Variants in MACF1 observed in about 807,000 individuals in gnomAD.
The protein encoded by MACF1 is microtubule-actin cross-linking factor 1.
A neutral mutation model predicts 854.8 loss-of-function variants in MACF1; 193 were observed. The ratio of observed to expected loss-of-function variants is 0.23; its 90% CI spans 0.20 to 0.25. The LOEUF is 0.25. Among genes scored for constraint, MACF1 ranks in the 10% least tolerant of loss-of-function variants. The probability of loss-of-function intolerance (pLI) is 1.00; values close to 1 mark genes in which losing one functional copy is unlikely to be tolerated. For missense variants in MACF1, 7,722 were observed against 8,929.1 expected, an observed-to-expected ratio of 0.86 and a Z score of 5.45; for synonymous variants, 3,185 against 3,226.7, an observed-to-expected ratio of 0.99 and a Z score of 0.44.
intron 31 of MACF1, 49 bp downstream of exon 31, chr1:39,319,796 A>G: frequency 7.6e-7 from 1 of 1,318,424 alleles, no homozygotes. Flanking sequence ...CCAGCTCAGG[A>G]AAACCTACAT....
intron 2 of MACF1, among the ~76,000 whole-genome samples, chr1:39,123,271 G>A (rs1208790599): frequency 1.4e-5 from 2 of 146,114 alleles, no homozygotes; most frequent in Non-Finnish European, 3.0e-5. Context: ...GCAGTGGTGC[G>A]ATCTTGGCTC....
intron 26 of MACF1, among the ~76,000 whole-genome samples, chr1:39,315,276 T>G (rs1227181567): frequency 6.6e-6 from 1 of 152,242 alleles, no homozygotes; most frequent in African/African-American, 2.4e-5. Context: ...CTCTGTTGAC[T>G]TTGCTTTTTC....
At chr1:39,102,632 G>A in intron 2 of MACF1, 1 of 623,828 alleles carries the variant, frequency 1.6e-6, no homozygotes, top group Non-Finnish European at 2.9e-6. Flanking sequence ...GGTATTTGAT[G>A]AGGCTTTAAT....
chr1:39,392,887 T>G (rs964131355), intron 58 of MACF1, among the ~76,000 whole-genome samples: 1 of 152,062 alleles, frequency 6.6e-6, no homozygotes. Flanking sequence ...CAGGCAGAGA[T>G]CTCAGGCTTC....
chr1:39,225,068 T>G (rs1644698411), intron 1 of MACF1, among the ~76,000 whole-genome samples: 1 of 152,050 alleles, frequency 6.6e-6, no homozygotes, highest in African/African-American at 2.4e-5. Context: ...CCTGCAGTCC[T>G]AGATACTTGG....
intron 2 of MACF1, among the ~76,000 whole-genome samples, chr1:39,231,461 A>G (rs1227695108): frequency 1.3e-5 from 2 of 151,800 alleles, no homozygotes; most frequent in Middle Eastern, 3.2e-3. Flanking sequence ...AAGCAATCCT[A>G]CTGCCTCAGC....
At chr1:39,189,585 C>T (rs1644219572) in intron 2 of MACF1, among the ~76,000 whole-genome samples, 1 of 152,190 alleles carries the variant, frequency 6.6e-6, no homozygotes, top group Non-Finnish European at 1.5e-5. Flanking sequence ...TCATTCTCTT[C>T]CTCATGCTAT....
Position 39,340,462 on chromosome 1 carries a change from T to C in MACF1, c.10216-40T>C, listed in dbSNP as rs573323350. 9.0e-6 allele frequency: 13 copies of C among 1,449,132 alleles called. No individual in the cohort carries two copies. In the East Asian group the frequency reaches 2.5e-4, roughly 28 times the overall value. The allele number at this position is 1,449,132 out of a possible 1,614,324, so 89.8% of individuals were successfully genotyped here. ...TCACAGCTGATTCCCAGAGGGTTTCTAGTCTTGCTTTTATAGGTAACTCCA... is the reference window on the plus strand; with the variant it reads ...TCACAGCTGATTCCCAGAGGGTTTCCAGTCTTGCTTTTATAGGTAACTCCA... On this transcript the variant is annotated intron_variant, in intron 38 of 100. Coordinates refer to ENST00000564288, the MANE Select transcript of MACF1 (RefSeq NM_001394062.1).
intron 95 of MACF1, among the ~76,000 whole-genome samples, chr1:39,467,091 G>A (rs1378564322): frequency 2.0e-5 from 3 of 152,192 alleles, no homozygotes; most frequent in Non-Finnish European, 4.4e-5. Context: ...TCCTGGCCGG[G>A]CGTGGTGGCT....
intron 99 of MACF1, among the ~76,000 whole-genome samples, chr1:39,481,515 C>T (rs147448740): frequency 2.0e-4 from 30 of 152,298 alleles, no homozygotes; most frequent in African/African-American, 6.3e-4. Context: ...TGGTCCGAGG[C>T]GTGGGTGCTG....
chr1:39,468,753 T>G (rs1644718326), intron 96 of MACF1, 21 bp downstream of exon 96: 2 of 1,592,186 alleles, frequency 1.3e-6, no homozygotes, highest in Admixed American at 1.7e-5. Flanking sequence ...ATTCTAAGCA[T>G]GAATTACGTG....
At chr1:39,472,386 A>G (rs904538291) in intron 97 of MACF1, among the ~76,000 whole-genome samples, 8 of 152,182 alleles carry the variant, frequency 5.3e-5, no homozygotes, top group Non-Finnish European at 8.8e-5. Context: ...CCAGAAATCA[A>G]TTTTCACAGC....
intron 40 of MACF1, among the ~76,000 whole-genome samples, chr1:39,342,367 C>T (rs1557599059): frequency 1.3e-5 from 2 of 151,982 alleles, no homozygotes; most frequent in African/African-American, 4.8e-5. Context: ...CATACACACA[C>T]ATGTGTCTTT....
chr1:39,442,621 G>T (rs1056596820), intron 77 of MACF1, 54 bp downstream of exon 77: 1 of 1,609,602 alleles, frequency 6.2e-7, no homozygotes, highest in African/African-American at 1.3e-5. Flanking sequence ...ACCAGATGCT[G>T]CCACCAGCAG....
In MACF1 at chr1:39,385,438, T is replaced by C; in HGVS notation, c.13853T>C (p.Met4618Thr). The C allele has an allele frequency of 1.9e-6, 3 of 1,613,560 alleles. No homozygotes were observed. The highest frequency in any genetic ancestry group is 2.5e-6 in the Non-Finnish European group (3 of 1,179,632). Residue 4618 changes from methionine to threonine, a missense_variant, in exon 57 of 101, where the codon ATG (methionine) becomes ACG (threonine). Around this residue, in one of 15 missense-constraint regions of MACF1, gnomAD observed 2,807 missense variants for 3,235.8 expected, o/e 0.87. Transcript: ENST00000564288. ...LNAQKQQVQF[M>T]LKEFEARRQQ... Reference sequence around the variant, plus strand: ...TTGGTGTCATTTCTATTTCAGTTTATGCTAAAGGAATTTGAAGCACGCAGG... The same window carrying C: ...TTGGTGTCATTTCTATTTCAGTTTACGCTAAAGGAATTTGAAGCACGCAGG...
chr1:39,437,487 T>C (rs112468122), intron 70 of MACF1, among the ~76,000 whole-genome samples: 1 of 152,072 alleles, frequency 6.6e-6, no homozygotes, highest in Non-Finnish European at 1.5e-5. Flanking sequence ...ATTTTTTGTA[T>C]TTTTAGTAGG....
chr1:39,434,115 G>A (rs1020159844), intron 68 of MACF1, among the ~76,000 whole-genome samples: 1 of 151,802 alleles, frequency 6.6e-6, no homozygotes. Context: ...CTATATCTAA[G>A]GTTGTGTATC....
chr1:39,241,277 A>G (rs961459167), intron 2 of MACF1, among the ~76,000 whole-genome samples: 1 of 152,130 alleles, frequency 6.6e-6, no homozygotes, highest in Non-Finnish European at 1.5e-5. Flanking sequence ...ATTGCTCTTC[A>G]ACATAGTTTG....
chr1:39,381,259 G>A (rs566418536), intron 55 of MACF1, among the ~76,000 whole-genome samples: 1 of 149,904 alleles, frequency 6.7e-6, no homozygotes, highest in African/African-American at 2.5e-5. Flanking sequence ...GTTTCTCCAT[G>A]TTGGTCAGGC....
Sources: gnomAD v4.1 joint callset for allele counts (sites outside exome capture counted in the v4.1 genomes callset) on GRCh38, gnomAD v4.1.1 for gene constraint, gnomAD v4.1.1 regional missense constraint, MANE v1.5 for transcripts, NCBI Gene and HGNC (gene_info 2026-07-23, HGNC 2026-07-21) for gene names.